Variants in HILPDA observed in about 807,000 individuals in gnomAD.
The protein encoded by HILPDA is hypoxia-inducible lipid droplet-associated protein.
For synonymous variants in HILPDA, 37 were observed against 33.2 expected (o/e 1.12, Z -0.40); for missense variants, 72 against 73.5 (o/e 0.98, Z 0.08).
chr7:128,457,146 G>A, intron 1 of HILPDA, 55 bp from the exon 2 acceptor site: 1 of 757,632 alleles, frequency 1.3e-6, no homozygotes, highest in Non-Finnish European at 2.2e-6. Context: ...GTCAGGGCTG[G>A]ATGCATGCAT....
rs1016262854 is a variant in HILPDA, at chr7:128,455,909, G to C, written c.-183G>C. ...TGCGGCTGACGGCGCTTTTGTCTCC[G>C]GTGAGTTTTGTGGCGGGAAGCTTCT... is the stretch of plus-strand genomic sequence containing the variant. On this transcript the variant is annotated 5_prime_UTR_variant, in exon 1 of 2. Coordinates refer to ENST00000257696, the MANE Select transcript of HILPDA (RefSeq NM_013332.4). 2.2e-6 allele frequency: 1 copy of C among 456,764 alleles called. No individual in the cohort carries two copies. Among genetic ancestry groups the C allele is most frequent in the Middle Eastern group, 3.3e-4 (1 of 3,074 alleles). 28.3% of individuals were successfully genotyped at this position (456,764 alleles called of 1,614,324 possible). A position where few individuals can be genotyped will look rare whatever the true frequency, so the allele number is the denominator to read the frequency against.
Position 128,457,644 on chromosome 7 carries a change from GCT to G in HILPDA, c.*186_*187del. 1.7e-6 allele frequency: 1 copy of G among 588,112 alleles called. No homozygotes were observed. Among genetic ancestry groups the G allele is most frequent in the Non-Finnish European group, 3.0e-6 (1 of 330,330 alleles). 36.4% of individuals were successfully genotyped at this position (588,112 alleles called of 1,614,324 possible). A position where few individuals can be genotyped will look rare whatever the true frequency, so the allele number is the denominator to read the frequency against. On this transcript the variant is annotated 3_prime_UTR_variant, in exon 2 of 2. Transcript: ENST00000257696. Reference sequence around the variant, plus strand: ...AGGCCTGTTTAGGCCGGTTGCGGTGGCTCATGCCTGTAATCCTAGCACTTTGG... The same window carrying G: ...AGGCCTGTTTAGGCCGGTTGCGGTGGCATGCCTGTAATCCTAGCACTTTGG...
Position 128,457,311 on chromosome 7 carries a change from A to G in HILPDA, c.43A>G (p.Thr15Ala), listed in dbSNP as rs200558043. ...CCTCTACCTGTTAGGTGTGGTACTGACCCTACTCTCCATCTTCGTTAGAGT... is the reference window on the plus strand; with the variant it reads ...CCTCTACCTGTTAGGTGTGGTACTGGCCCTACTCTCCATCTTCGTTAGAGT... ...LNLYLLGVVL[T>A]LLSIFVRVME... The change falls in exon 2 of 2, where the codon ACC (threonine) becomes GCC (alanine). Residue 15 changes from threonine to alanine, a missense_variant. Coordinates refer to ENST00000257696, the MANE Select transcript of HILPDA (RefSeq NM_013332.4). The G allele has an allele frequency of 4.3e-6, 7 of 1,613,910 alleles. No individual in the cohort carries two copies. Among genetic ancestry groups the G allele is most frequent in the Non-Finnish European group, 5.9e-6 (7 of 1,179,950 alleles).
At chr7:128,456,263 T>A in intron 1 of HILPDA, 1 of 302,418 alleles carries the variant, frequency 3.3e-6, no homozygotes, top group Non-Finnish European at 6.5e-6. Context: ...TGCCATGCCC[T>A]CCCAGAGCAC....
Position 128,457,281 on chromosome 7 carries a change from T to C in HILPDA, c.13T>C (p.Leu5=). 6.2e-7 allele frequency: 1 copy of C among 1,612,158 alleles called. No individual in the cohort carries two copies. The highest frequency in any genetic ancestry group is 8.5e-7 in the Non-Finnish European group (1 of 1,178,392). Residue 5 remains leucine (L), a synonymous_variant, in exon 2 of 2, where the codon TTG becomes CTG. Transcript: ENST00000257696. MKHV[L]NLYLLGVVLT... The stretch of plus-strand genomic sequence containing the variant: ...GGTCCTTTCAGCCATGAAGCATGTG[T>C]TGAACCTCTACCTGTTAGGTGTGGT...
In HILPDA at chr7:128,458,400, A is replaced by AG. The variant is rs1426704059; in HGVS notation, c.*941dup. On this transcript the variant is annotated 3_prime_UTR_variant, in exon 2 of 2. Transcript: ENST00000257696. ...TTAAATGATTTTTTCTAACTAATAAAGTGGAATATATATTTCTACTGTGTG... is the reference window on the plus strand; with the variant it reads ...TTAAATGATTTTTTCTAACTAATAAAGGTGGAATATATATTTCTACTGTGTG... 18 of 167,062 alleles carry AG rather than the reference A, an allele frequency of 1.1e-4. No individual in the cohort carries two copies. The highest frequency in any genetic ancestry group is 4.3e-4 in the African/African-American group (18 of 41,454). The allele number at this position is 167,062 out of a possible 1,614,324, so 10.3% of individuals were successfully genotyped here.
At chr7:128,456,456 C>G (rs1799542384) in intron 1 of HILPDA, 1 of 156,968 alleles carries the variant, frequency 6.4e-6, no homozygotes, top group East Asian at 1.9e-4. Flanking sequence ...TTTGGACTTG[C>G]AAAAAGTTTG....
chr7:128,458,121 G>T lies in HILPDA; in HGVS notation c.*661G>T, dbSNP rs780134340. ...CCTACTTCCTAAACATCTGTCTGGG[G>T]TTCCTTTAGTCTTGAATGTCTTATG... On this transcript the variant is annotated 3_prime_UTR_variant, in exon 2 of 2. Transcript: ENST00000257696. 5 of 166,068 alleles carry T rather than the reference G, an allele frequency of 3.0e-5. No homozygotes were observed. The highest frequency in any genetic ancestry group is 4.4e-5 in the Non-Finnish European group (3 of 67,728). 10.3% of individuals were successfully genotyped at this position (166,068 alleles called of 1,614,324 possible).
At chr7:128,456,126 C>T (rs745896855) in intron 1 of HILPDA, 103 bp downstream of exon 1, 42 of 378,018 alleles carry the variant, frequency 1.1e-4, no homozygotes, top group Non-Finnish European at 1.9e-4. Context: ...CCGCCGGGAT[C>T]CTCTCTGATC....
At chr7:128,457,027 C>T (rs1799551253) in intron 1 of HILPDA, among the ~76,000 whole-genome samples, 174 bp from the exon 2 acceptor site, 1 of 152,194 alleles carries the variant, frequency 6.6e-6, no homozygotes, top group Non-Finnish European at 1.5e-5. Flanking sequence ...GCTCCGCAGC[C>T]ATGAAGTTTG....
rs1799535149 is a variant in HILPDA at position 128,456,019 on chromosome 7, CG to C, written c.-71del. On this transcript the variant is annotated 5_prime_UTR_variant, in exon 1 of 2. Transcript: ENST00000257696. ...GGCGATCCACTCCCGGCTGTTCCCC[CG>C]GAGGTGAGCGGCCCTGTGGGCTTCC... 1 of 456,034 alleles carries C rather than the reference CG, an allele frequency of 2.2e-6. No individual in the cohort carries two copies. The highest frequency in any genetic ancestry group is 7.0e-5 in the East Asian group (1 of 14,380). 28.2% of individuals were successfully genotyped at this position (456,034 alleles called of 1,614,324 possible).
In HILPDA at chr7:128,457,286, C is replaced by CCT; in HGVS notation, c.21_22dup (p.Tyr8SerfsTer4). 1.2e-6 allele frequency: 2 copies of CCT among 1,612,794 alleles called. No individual in the cohort carries two copies. The highest frequency in any genetic ancestry group is 1.7e-6 in the Non-Finnish European group (2 of 1,178,992). ...TTTCAGCCATGAAGCATGTGTTGAA[C>CCT]CTCTACCTGTTAGGTGTGGTACTGA... On this transcript the variant is annotated frameshift_variant, in exon 2 of 2. Transcript: ENST00000257696. LOFTEE classifies it low-confidence loss of function (END_TRUNC).
rs1269483350 is a variant in HILPDA at position 128,456,018 on chromosome 7, C to T, written c.-74C>T. On this transcript the variant is annotated 5_prime_UTR_variant, in exon 1 of 2. Transcript: ENST00000257696. ...CGGCGATCCACTCCCGGCTGTTCCCCCGGAGGTGAGCGGCCCTGTGGGCTT... is the reference window on the plus strand; with the variant it reads ...CGGCGATCCACTCCCGGCTGTTCCCTCGGAGGTGAGCGGCCCTGTGGGCTT... 2.2e-5 allele frequency: 10 copies of T among 456,144 alleles called. No homozygotes were observed. The highest frequency in any genetic ancestry group is 4.4e-5 in the Non-Finnish European group (10 of 226,828). The allele number at this position is 456,144 out of a possible 1,614,324, so 28.3% of individuals were successfully genotyped here. A position where few individuals can be genotyped will look rare whatever the true frequency, so the allele number is the denominator to read the frequency against.
Position 128,457,202 on chromosome 7 carries a change from G to A in HILPDA, c.-67G>A, listed in dbSNP as rs953873097. ...TCATCCTTTCCTCTTTTTTCTCAGG[G>A]TCCAGAGGCCTTTCAGAAGGAGAAG... is the stretch of plus-strand genomic sequence containing the variant. On this transcript the variant is annotated splice_region_variant and 5_prime_UTR_variant, in exon 2 of 2. Transcript: ENST00000257696. The A allele has an allele frequency of 3.7e-5, 51 of 1,365,470 alleles. No homozygotes were observed. In the African/African-American group the frequency reaches 7.2e-4, roughly 19 times the overall value. 84.6% of individuals were successfully genotyped at this position (1,365,470 alleles called of 1,614,324 possible). A position where few individuals can be genotyped will look rare whatever the true frequency, so the allele number is the denominator to read the frequency against.
Position 128,457,273 on chromosome 7 carries a change from A to G in HILPDA, c.5A>G (p.Lys2Arg). 6.2e-7 allele frequency: 1 copy of G among 1,609,398 alleles called. No individual in the cohort carries two copies. The highest frequency in any genetic ancestry group is 8.5e-7 in the Non-Finnish European group (1 of 1,176,158). M[K>R]HVLNLYLLGV... ...AGGAGTAGGGTCCTTTCAGCCATGA[A>G]GCATGTGTTGAACCTCTACCTGTTA... The change falls in exon 2 of 2, where the codon AAG becomes AGG. Residue 2 changes from lysine to arginine, a missense_variant. Transcript: ENST00000257696.
intron 1 of HILPDA, chr7:128,456,840 G>T (rs1029481857): frequency 2.6e-5 from 4 of 155,272 alleles, no homozygotes; most frequent in African/African-American, 7.2e-5. Context: ...TTTTGTATTT[G>T]TAGTAGAGAC....
rs532396578 is a variant in HILPDA, at chr7:128,457,513, C to T, written c.*53C>T. 2 of 1,493,598 alleles carry T rather than the reference C, an allele frequency of 1.3e-6. No individual in the cohort carries two copies. The highest frequency in any genetic ancestry group is 1.7e-5 in the Admixed American group (1 of 59,166). 92.5% of individuals were successfully genotyped at this position (1,493,598 alleles called of 1,614,324 possible). On this transcript the variant is annotated 3_prime_UTR_variant, in exon 2 of 2. Transcript: ENST00000257696. ...TTTGGAACACTGACCTAGACATGTC[C>T]AGATGGGAGTCCCATTCCTAGCAGA...
chr7:128,456,662 A>ATGTT lies in HILPDA; in HGVS notation c.-68-525_-68-522dup, dbSNP rs982755838. 1.1e-4 allele frequency: 17 copies of ATGTT among 154,828 alleles called. No homozygotes were observed. In the South Asian group the frequency reaches 1.2e-3, roughly 11 times the overall value. The allele number at this position is 154,828 out of a possible 1,614,324, so 9.6% of individuals were successfully genotyped here. ...AGGAACAAAATTTTCAATAAAGTAA[A>ATGTT]TGTTTGTTTGTTTGTTTTTGAGACG... is the stretch of plus-strand genomic sequence containing the variant. On this transcript the variant is annotated intron_variant, in intron 1 of 1. Coordinates refer to ENST00000257696, the MANE Select transcript of HILPDA (RefSeq NM_013332.4).
At chr7:128,456,351 GC>G (rs1799540131) in intron 1 of HILPDA, 2 of 208,930 alleles carry the variant, frequency 9.6e-6, no homozygotes, top group Admixed American at 1.2e-4. Flanking sequence ...TTGCAATGTG[GC>G]CCTAGTATCT....
Sources: allele counts gnomAD v4.1 joint callset (sites outside exome capture counted in the v4.1 genomes callset), GRCh38; gene constraint gnomAD v4.1.1; transcripts MANE v1.5; gene names NCBI Gene and HGNC (gene_info 2026-07-23, HGNC 2026-07-21).